GOLT1B: variants seen among roughly 807,000 people sequenced by gnomAD.
GOLT1B encodes golgi transport 1B, also known as vesicle transport protein GOT1B.
A neutral mutation model predicts 15.4 loss-of-function variants in GOLT1B; 3 were observed. The observed-to-expected ratio is 0.19, with a 90% confidence interval of 0.09 to 0.50. The LOEUF is 0.50. GOLT1B is among the 20% of genes least tolerant of loss of function. The probability of loss-of-function intolerance (pLI) is 0.97; values close to 1 mark genes in which losing one functional copy is unlikely to be tolerated. For missense variants in GOLT1B, 145 were observed against 160.4 expected (o/e 0.90, Z 0.52); for synonymous variants, 65 against 56.2 (o/e 1.16, Z -0.70).
chr12:21,512,380 A>C lies in GOLT1B; in HGVS notation c.378+4A>C. ...AAATTTACCTGGAATTAGATCAGTAAGTAATCATGTATATTTTAGGCCAAC... is the reference window on the plus strand; with the variant it reads ...AAATTTACCTGGAATTAGATCAGTACGTAATCATGTATATTTTAGGCCAAC... On this transcript the variant is annotated splice_donor_region_variant and intron_variant, in intron 4 of 4. Transcript: ENST00000229314. 7.6e-7 allele frequency: 1 copy of C among 1,315,392 alleles called. No homozygotes were observed. Among genetic ancestry groups the C allele is most frequent in the Non-Finnish European group, 1.1e-6 (1 of 909,724 alleles). 81.5% of individuals were successfully genotyped at this position (1,315,392 alleles called of 1,614,324 possible). A position where few individuals can be genotyped will look rare whatever the true frequency, so the allele number is the denominator to read the frequency against.
In GOLT1B at chr12:21,518,180, T is replaced by A. The variant is rs1943769558; in HGVS notation, c.*2473T>A. On this transcript the variant is annotated 3_prime_UTR_variant, in exon 5 of 5. Coordinates refer to ENST00000229314, the MANE Select transcript of GOLT1B (RefSeq NM_016072.5). ...ATTAATTGGTGGTCAAGTATATCTG[T>A]GTTATGAAGTTCTAAAAGCTAATTT... 6.6e-6 allele frequency: 1 copy of A among 152,162 alleles called. No homozygotes were observed. Among genetic ancestry groups the A allele is most frequent in the East Asian group, 1.9e-4 (1 of 5,194 alleles). The allele number at this position is 152,162 out of a possible 1,614,324, so 9.4% of individuals were successfully genotyped here. A position where few individuals can be genotyped will look rare whatever the true frequency, so the allele number is the denominator to read the frequency against.
chr12:21,514,673 C>A (rs1186474880), intron 4 of GOLT1B, among the ~76,000 whole-genome samples: 1 of 152,128 alleles, frequency 6.6e-6, no homozygotes, highest in Non-Finnish European at 1.5e-5. Context: ...TCTGCAAATT[C>A]ATACAGTGGT....
rs1404364052 is a variant in GOLT1B, at chr12:21,515,686, A to T, written c.396A>T (p.Gly132=). 5 of 1,380,718 alleles carry T rather than the reference A, an allele frequency of 3.6e-6. No homozygotes were observed. In the Admixed American group the frequency reaches 7.1e-5, roughly 20 times the overall value. 85.5% of individuals were successfully genotyped at this position (1,380,718 alleles called of 1,614,324 possible). The change falls in exon 5 of 5, where the codon GGA becomes GGT. Residue 132 remains glycine, a synonymous_variant. Coordinates refer to ENST00000229314, the MANE Select transcript of GOLT1B (RefSeq NM_016072.5). ...PGIRSFVDKV[G]ESNNMV ...CCTTACAGTTTGTAGATAAAGTTGG[A>T]GAAAGCAACAATATGGTATAACAAC...
At chr12:21,510,174 G>A (rs1161511409) in intron 3 of GOLT1B, among the ~76,000 whole-genome samples, 1 of 152,198 alleles carries the variant, frequency 6.6e-6, no homozygotes. Flanking sequence ...TGGAATCTTG[G>A]AGTACTTTTG....
At chr12:21,513,070 CAAAAAAAAAA>C (rs58392364) in intron 4 of GOLT1B, among the ~76,000 whole-genome samples, 1 of 110,452 alleles carries the variant, frequency 9.1e-6, no homozygotes, top group Non-Finnish European at 1.9e-5. Flanking sequence ...GACCCTGTCT[CAAAAAAAAAA>C]AAAAAAAAAA....
chr12:21,504,046 C>T (rs910298335), intron 1 of GOLT1B, among the ~76,000 whole-genome samples: 6 of 152,202 alleles, frequency 3.9e-5, no homozygotes, highest in African/African-American at 1.4e-4. Flanking sequence ...GTAAGAGAGA[C>T]AATGCTGCTT....
At chr12:21,506,194 G>A (rs1440168164) in intron 1 of GOLT1B, among the ~76,000 whole-genome samples, 1 of 152,008 alleles carries the variant, frequency 6.6e-6, no homozygotes, top group Non-Finnish European at 1.5e-5. Flanking sequence ...CTTCGGAGAG[G>A]TGATTTTAGG....
In GOLT1B at chr12:21,515,812, C is replaced by A; in HGVS notation, c.*105C>A. On this transcript the variant is annotated 3_prime_UTR_variant, in exon 5 of 5. Transcript: ENST00000229314. ...ATTACATGAAATAGCTTGTAATGTTCTTTACAGGAGTTTAAAACGTATAGC... is the reference window on the plus strand; with the variant it reads ...ATTACATGAAATAGCTTGTAATGTTATTTACAGGAGTTTAAAACGTATAGC... 1.5e-6 allele frequency: 1 copy of A among 653,464 alleles called. No individual in the cohort carries two copies. The highest frequency in any genetic ancestry group is 2.8e-5 in the East Asian group (1 of 36,170). The allele number at this position is 653,464 out of a possible 1,614,324, so 40.5% of individuals were successfully genotyped here.
In GOLT1B at chr12:21,512,412, C is replaced by A. The variant is rs754479602; in HGVS notation, c.378+36C>A. On this transcript the variant is annotated intron_variant, in intron 4 of 4. Coordinates refer to ENST00000229314, the MANE Select transcript of GOLT1B (RefSeq NM_016072.5). ...ATGTATATTTTAGGCCAACAAAATA[C>A]GTATTTTGATGCTTTTTACTTCTAG... 6 of 948,618 alleles carry A rather than the reference C, an allele frequency of 6.3e-6. No individual in the cohort carries two copies. In the East Asian group the frequency reaches 1.2e-4, roughly 19 times the overall value. 58.8% of individuals were successfully genotyped at this position (948,618 alleles called of 1,614,324 possible). A position where few individuals can be genotyped will look rare whatever the true frequency, so the allele number is the denominator to read the frequency against.
In GOLT1B at chr12:21,518,013, TG is replaced by T. The variant is rs1247695969; in HGVS notation, c.*2308del. The T allele has an allele frequency of 6.6e-6, 1 of 152,618 alleles. No homozygotes were observed. The highest frequency in any genetic ancestry group is 1.9e-4 in the East Asian group (1 of 5,204). The allele number at this position is 152,618 out of a possible 1,614,324, so 9.5% of individuals were successfully genotyped here. ...GTATTTTCTGTAACAGAAACATATTTGGAATGTTTTTCTTTTCCCCTTATAA... is the reference window on the plus strand; with the variant it reads ...GTATTTTCTGTAACAGAAACATATTTGAATGTTTTTCTTTTCCCCTTATAA... On this transcript the variant is annotated 3_prime_UTR_variant, in exon 5 of 5. Transcript: ENST00000229314.
intron 4 of GOLT1B, 57 bp from the exon 5 acceptor site, chr12:21,515,612 T>TA (rs1943750185): frequency 8.3e-6 from 7 of 841,542 alleles, no homozygotes; most frequent in African/African-American, 1.7e-5. Context: ...AATATTGATA[T>TA]AATGTTTTAT....
At position 21,517,359 on chromosome 12, in the gene GOLT1B, A is replaced by C. The variant is rs1167982102; in HGVS notation, c.*1652A>C. 1.3e-5 allele frequency: 2 copies of C among 152,460 alleles called. No homozygotes were observed. The highest frequency in any genetic ancestry group is 4.8e-5 in the African/African-American group (2 of 41,442). 9.4% of individuals were successfully genotyped at this position (152,460 alleles called of 1,614,324 possible). ...ATGGAGACTCCTACCTCAATAGTTA[A>C]TGGAATAATAAGAGGCTACTGTTGT... On this transcript the variant is annotated 3_prime_UTR_variant, in exon 5 of 5. Transcript: ENST00000229314.
intron 4 of GOLT1B, among the ~76,000 whole-genome samples, chr12:21,514,292 A>G (rs527381190): frequency 2.0e-4 from 30 of 152,356 alleles, no homozygotes; most frequent in Admixed American, 1.9e-3. Context: ...TCAACTTTCT[A>G]AAGTTGTTCA....
At chr12:21,512,459 G>A in intron 4 of GOLT1B, 83 bp downstream of exon 4, 2 of 755,028 alleles carry the variant, frequency 2.6e-6, no homozygotes, top group Non-Finnish European at 4.8e-6. Flanking sequence ...ATTGATACTT[G>A]GTTAATTGCT....
In GOLT1B at chr12:21,504,801, G is replaced by A. The variant is rs183969549; in HGVS notation, c.26-2084G>A. 3.3e-5 allele frequency among the ~76,000 whole-genome samples: 5 copies of A among 152,120 alleles called. No individual in the cohort carries two copies. In the East Asian group the frequency reaches 5.8e-4, roughly 18 times the overall value. On this transcript the variant is annotated intron_variant, in intron 1 of 4. Transcript: ENST00000229314. ...TACTCAGAGATTGGCCTTTTTGACC[G>A]CAGTTAATTTTTAATAGTTCTACTT...
At chr12:21,509,658 A>G (rs1025739361) in intron 3 of GOLT1B, among the ~76,000 whole-genome samples, 2 of 152,188 alleles carry the variant, frequency 1.3e-5, no homozygotes, top group African/African-American at 4.8e-5. Context: ...ATATTGTGGA[A>G]GCATGATTAA....
chr12:21,509,951 C>T (rs887268044), intron 3 of GOLT1B, among the ~76,000 whole-genome samples: 4 of 152,094 alleles, frequency 2.6e-5, no homozygotes, highest in African/African-American at 7.2e-5. Flanking sequence ...TATACCTTAT[C>T]CTGTAACCAA....
chr12:21,515,396 AT>A (rs1406933596), intron 4 of GOLT1B: 2 of 585,998 alleles, frequency 3.4e-6, no homozygotes, highest in Non-Finnish European at 5.9e-6. Flanking sequence ...CAATTTCTTT[AT>A]TCATTGTGTT....
chr12:21,502,029 A>G (rs768970031), intron 1 of GOLT1B, 81 bp downstream of exon 1: 83 of 986,808 alleles, frequency 8.4e-5, no homozygotes, highest in African/African-American at 4.4e-4. Context: ...GCCGGGGTCA[A>G]TGAATGAAGC....
Sources: allele counts gnomAD v4.1 joint callset (sites outside exome capture counted in the v4.1 genomes callset), GRCh38; gene constraint gnomAD v4.1.1; transcripts MANE v1.5; gene names NCBI Gene and HGNC (gene_info 2026-07-23, HGNC 2026-07-21).